Variants in METAP1 observed in about 807,000 individuals in gnomAD.
METAP1 encodes methionyl aminopeptidase 1, also known as methionine aminopeptidase 1.
METAP1 carries 28 observed loss-of-function variants against 53.8 expected under a neutral mutation model. That is an observed-to-expected ratio of 0.52 (90% CI 0.39 to 0.71). The LOEUF (loss-of-function observed/expected upper bound fraction) is 0.71. Ranked by LOEUF, METAP1 falls within the 30% of genes least tolerant of loss-of-function variation. The pLI is 0.00. For missense variants in METAP1, 389 were observed against 479.8 expected (o/e 0.81, Z 1.77); for synonymous variants, 181 against 165.7 (o/e 1.09, Z -0.71).
rs1725823985 is a variant in METAP1 at position 99,041,038 on chromosome 4, T to C, written c.433-5T>C. 4 of 1,604,596 alleles carry C rather than the reference T, an allele frequency of 2.5e-6. No individual in the cohort carries two copies. Among genetic ancestry groups the C allele is most frequent in the Non-Finnish European group, 2.6e-6 (3 of 1,173,882 alleles). The stretch of plus-strand genomic sequence containing the variant: ...TTTAATGTATTGAGTGTTCCTTTTT[T>C]ACAGCTTGCTAGAGAAGTTTTGGAT... On this transcript the variant is annotated splice_region_variant and splice_polypyrimidine_tract_variant and intron_variant, in intron 5 of 10. Coordinates refer to ENST00000296411, the MANE Select transcript of METAP1 (RefSeq NM_015143.3).
chr4:99,017,214 CT>C (rs1402776365), intron 1 of METAP1, among the ~76,000 whole-genome samples: 1 of 152,190 alleles, frequency 6.6e-6, no homozygotes, highest in Non-Finnish European at 1.5e-5. Flanking sequence ...CATGAGCAAG[CT>C]TTTGGCCTTG....
intron 1 of METAP1, chr4:99,026,761 C>T: frequency 1.0e-6 from 1 of 985,312 alleles, no homozygotes; most frequent in Non-Finnish European, 1.2e-6. Flanking sequence ...TTAGAGAGTT[C>T]TTAGGAGATG....
intron 1 of METAP1, chr4:99,022,849 C>G: frequency 6.4e-7 from 1 of 1,560,004 alleles, no homozygotes; most frequent in East Asian, 2.4e-5. Context: ...GCTTTTTTCC[C>G]TCCCACGGCT....
chr4:98,997,212 T>C (rs1722679998), intron 1 of METAP1, among the ~76,000 whole-genome samples: 1 of 152,154 alleles, frequency 6.6e-6, no homozygotes, highest in Non-Finnish European at 1.5e-5. Flanking sequence ...CGTAAAGATA[T>C]AAATAAATAC....
rs1480986303 is a variant in METAP1, at chr4:98,995,740, A to T, written c.-14A>T. The T allele has an allele frequency of 6.5e-7, 1 of 1,541,606 alleles. No individual in the cohort carries two copies. Among genetic ancestry groups the T allele is most frequent in the Non-Finnish European group, 8.8e-7 (1 of 1,141,884 alleles). ...CTCTTCCTCGGTGAGGCGCTCTTCC[A>T]GCGGGCAGGCAGCATGGCGGCCGTG... On this transcript the variant is annotated 5_prime_UTR_variant, in exon 1 of 11. Coordinates refer to ENST00000296411, the MANE Select transcript of METAP1 (RefSeq NM_015143.3).
rs1430748479 is a variant in METAP1 at position 99,039,524 on chromosome 4, G to A, written c.432+59G>A. The A allele has an allele frequency of 5.0e-6, 5 of 991,698 alleles. No individual in the cohort carries two copies. The East Asian group carries it at 1.2e-4, about 24-fold the overall frequency. The allele number at this position is 991,698 out of a possible 1,614,324, so 61.4% of individuals were successfully genotyped here. ...TGTTTAAGCAGTACTTAGACATGAA[G>A]TCAGTGGTTTGCTGATTTATAAAGA... On this transcript the variant is annotated intron_variant, in intron 5 of 10. Transcript: ENST00000296411.
At chr4:99,034,743 C>T (rs1326477704) in intron 3 of METAP1, among the ~76,000 whole-genome samples, 1 of 152,108 alleles carries the variant, frequency 6.6e-6, no homozygotes. Context: ...ACAGATTGTG[C>T]GTCAACAGAT....
chr4:99,036,741 G>A (rs764948298), intron 4 of METAP1, among the ~76,000 whole-genome samples: 2 of 151,956 alleles, frequency 1.3e-5, no homozygotes, highest in Non-Finnish European at 2.9e-5. Flanking sequence ...AGATCATTTC[G>A]AGGTTTTTGC....
intron 1 of METAP1, chr4:99,022,392 G>T: frequency 1.3e-6 from 1 of 786,230 alleles, no homozygotes; most frequent in Non-Finnish European, 1.9e-6. Flanking sequence ...GGAGTGCTTT[G>T]TTGGAGTGGG....
intron 1 of METAP1, among the ~76,000 whole-genome samples, chr4:99,007,988 A>AG (rs987183406): frequency 2.6e-5 from 4 of 152,308 alleles, no homozygotes; most frequent in Admixed American, 2.6e-4. Context: ...CTTTAGAAGA[A>AG]GGGGTAGTGA....
chr4:99,059,302 G>T (rs938793032), intron 10 of METAP1, among the ~76,000 whole-genome samples: 1 of 152,112 alleles, frequency 6.6e-6, no homozygotes, highest in African/African-American at 2.4e-5. Context: ...TGTTTTATCA[G>T]ATCACAATAA....
chr4:99,014,822 A>C (rs1254023839), intron 1 of METAP1, among the ~76,000 whole-genome samples: 2 of 152,162 alleles, frequency 1.3e-5, no homozygotes, highest in Non-Finnish European at 2.9e-5. Flanking sequence ...TGGAGGCCTC[A>C]TGGGTTAGCT....
At chr4:98,996,894 AT>A (rs1200565539) in intron 1 of METAP1, among the ~76,000 whole-genome samples, 6 of 152,192 alleles carry the variant, frequency 3.9e-5, no homozygotes, top group African/African-American at 9.7e-5. Flanking sequence ...AGAAGGCCTG[AT>A]TGGGGCCCTG....
rs1273785067 is a variant in METAP1 at position 98,996,011 on chromosome 4, G to T, written c.114+144G>T. The T allele has an allele frequency of 4.5e-6, 3 of 672,480 alleles. No homozygotes were observed. In the African/African-American group the frequency reaches 5.7e-5, roughly 13 times the overall value. The allele number at this position is 672,480 out of a possible 1,614,324, so 41.7% of individuals were successfully genotyped here. On this transcript the variant is annotated intron_variant, in intron 1 of 10. Transcript: ENST00000296411. ...CGCGTTTCCTCCTCCCCCCACCCGC[G>T]TCGCCACCGCCCCCTCCTGCCTCCT...
chr4:99,054,122 T>C (rs1415885417), intron 9 of METAP1, among the ~76,000 whole-genome samples: 1 of 152,156 alleles, frequency 6.6e-6, no homozygotes, highest in Non-Finnish European at 1.5e-5. Flanking sequence ...AAGCCAGTTG[T>C]TGACTTCTCC....
chr4:99,057,685 T>C, intron 9 of METAP1, 68 bp from the exon 10 acceptor site: 1 of 1,111,716 alleles, frequency 9.0e-7, no homozygotes, highest in South Asian at 1.4e-5. Flanking sequence ...ATGTACTCTT[T>C]CTAGTTAGCT....
At chr4:99,031,429 A>G (rs1259208975) in intron 2 of METAP1, 1 of 1,271,406 alleles carries the variant, frequency 7.9e-7, no homozygotes, top group African/African-American at 1.5e-5. Flanking sequence ...AGCCGCATTT[A>G]ATAAAAGAAC....
At chr4:99,039,591 T>A in intron 5 of METAP1, 126 bp downstream of exon 5, 1 of 575,930 alleles carries the variant, frequency 1.7e-6, no homozygotes, top group Non-Finnish European at 3.0e-6. Context: ...CATGCTTTTT[T>A]TTTTTTTTTA....
intron 1 of METAP1, among the ~76,000 whole-genome samples, chr4:99,008,543 T>C (rs79873661): frequency 0.022 from 3,321 of 152,304 alleles, 48 homozygotes; most frequent in Middle Eastern, 0.048. Flanking sequence ...TCTTTCCAGA[T>C]TTTTACATAT....
Sources: gnomAD v4.1 joint callset for allele counts (sites outside exome capture counted in the v4.1 genomes callset) on GRCh38, gnomAD v4.1.1 for gene constraint, MANE v1.5 for transcripts, NCBI Gene and HGNC (gene_info 2026-07-23, HGNC 2026-07-21) for gene names.